Variants in FRAS1 observed in about 807,000 individuals in gnomAD.
The protein encoded by FRAS1 is Fraser extracellular matrix complex subunit 1, also known as extracellular matrix organizing protein FRAS1.
FRAS1 carries 290 observed loss-of-function variants against 435.2 expected under a neutral mutation model. That is an observed-to-expected ratio of 0.67 (90% confidence interval 0.61 to 0.73). The LOEUF is 0.73. FRAS1 is among the 30% of genes least tolerant of loss of function. The pLI is 0.00. For missense variants in FRAS1, 4,860 were observed against 5,001.5 expected, an observed-to-expected ratio of 0.97 and a Z score of 0.85; for synonymous variants, 1,800 against 1,851.0, an observed-to-expected ratio of 0.97 and a Z score of 0.71.
At chr4:78,508,087 T>C (rs1055743611) in intron 62 of FRAS1, among the ~76,000 whole-genome samples, 2 of 152,200 alleles carry the variant, frequency 1.3e-5, no homozygotes, top group African/African-American at 2.4e-5. Flanking sequence ...ACATATTCAC[T>C]ATATTTATAG....
chr4:78,279,272 A>T (rs940628547), intron 10 of FRAS1, among the ~76,000 whole-genome samples: 26 of 152,232 alleles, frequency 1.7e-4, no homozygotes, highest in Non-Finnish European at 4.4e-5. Flanking sequence ...AACTTAGTGA[A>T]TGAGGGAGAA....
intron 2 of FRAS1, among the ~76,000 whole-genome samples, chr4:78,157,028 T>G (rs903261940): frequency 3.3e-5 from 5 of 152,196 alleles, no homozygotes; most frequent in Non-Finnish European, 7.4e-5. Context: ...TGGAAGTTTC[T>G]CGTTTAAGCT....
intron 14 of FRAS1, among the ~76,000 whole-genome samples, chr4:78,304,089 C>T (rs11722335): frequency 0.35 from 51,401 of 145,698 alleles, 10,153 homozygotes; most frequent in African/African-American, 0.5. Context: ...TTGTCAAAGG[C>T]CTTTTCTGCA....
At chr4:78,091,978 C>CAAAA (rs34804542) in intron 2 of FRAS1, among the ~76,000 whole-genome samples, 37 of 83,462 alleles carry the variant, frequency 4.4e-4, no homozygotes, top group Admixed American at 6.4e-4. Context: ...GAGACTGTCT[C>CAAAA]AAAAAAAAAA....
At chr4:78,529,997 C>CT (rs1470539200) in intron 70 of FRAS1, among the ~76,000 whole-genome samples, 5 of 151,932 alleles carry the variant, frequency 3.3e-5, no homozygotes, top group East Asian at 1.9e-4. Context: ...CTCTGCTACT[C>CT]TTTTTTTTAA....
At chr4:78,346,101 A>G (rs905309422) in intron 20 of FRAS1, among the ~76,000 whole-genome samples, 1 of 152,220 alleles carries the variant, frequency 6.6e-6, no homozygotes, top group East Asian at 1.9e-4. Flanking sequence ...CTTACAGGTT[A>G]TCCTCTTCAG....
At chr4:78,125,666 G>A (rs1216701072) in intron 2 of FRAS1, among the ~76,000 whole-genome samples, 1 of 152,134 alleles carries the variant, frequency 6.6e-6, no homozygotes, top group Non-Finnish European at 1.5e-5. Context: ...GTTTGCTGGA[G>A]GTCCACTCCA....
At chr4:78,093,903 T>C (rs1741654538) in intron 2 of FRAS1, among the ~76,000 whole-genome samples, 1 of 152,184 alleles carries the variant, frequency 6.6e-6, no homozygotes, top group Non-Finnish European at 1.5e-5. Flanking sequence ...TAATAGATTC[T>C]ATATTATGTT....
intron 57 of FRAS1, among the ~76,000 whole-genome samples, chr4:78,482,185 A>G (rs1212625232): frequency 6.6e-6 from 1 of 152,218 alleles, no homozygotes; most frequent in Non-Finnish European, 1.5e-5. Flanking sequence ...TTACAGATTC[A>G]GGATATAAAC....
intron 14 of FRAS1, among the ~76,000 whole-genome samples, chr4:78,299,391 C>A (rs1314336108): frequency 4.6e-5 from 7 of 152,228 alleles, no homozygotes; most frequent in East Asian, 1.9e-4. Context: ...GACCCCAGAC[C>A]TTCTCCTGTG....
At chr4:78,103,897 T>C (rs1307074626) in intron 2 of FRAS1, among the ~76,000 whole-genome samples, 1 of 152,252 alleles carries the variant, frequency 6.6e-6, no homozygotes, top group East Asian at 1.9e-4. Context: ...CAGTTCTTTA[T>C]CTTAGCTTTG....
At chr4:78,495,115 A>G (rs1479320358) in intron 59 of FRAS1, among the ~76,000 whole-genome samples, 2 of 152,152 alleles carry the variant, frequency 1.3e-5, no homozygotes, top group African/African-American at 2.4e-5. Flanking sequence ...TTGGGTTTCC[A>G]ATAAGCATAT....
intron 2 of FRAS1, among the ~76,000 whole-genome samples, chr4:78,119,209 C>T (rs1182081534): frequency 6.6e-6 from 1 of 152,146 alleles, no homozygotes; most frequent in Non-Finnish European, 1.5e-5. Flanking sequence ...TATCCTCATT[C>T]TTCTAGCTAT....
At chr4:78,321,992 C>G (rs943002349) in intron 18 of FRAS1, among the ~76,000 whole-genome samples, 31 of 152,158 alleles carry the variant, frequency 2.0e-4, no homozygotes, top group African/African-American at 7.5e-4. Context: ...ACATATAGCT[C>G]TCTACTCATG....
intron 2 of FRAS1, among the ~76,000 whole-genome samples, chr4:78,156,080 G>T (rs1203793980): frequency 1.3e-5 from 2 of 152,150 alleles, no homozygotes; most frequent in African/African-American, 4.8e-5. Flanking sequence ...CAAGCCTTTG[G>T]CTGTTTCTGG....
chr4:78,450,790 A>G (rs554704236), intron 45 of FRAS1, among the ~76,000 whole-genome samples: 1 of 152,316 alleles, frequency 6.6e-6, no homozygotes, highest in East Asian at 1.9e-4. Flanking sequence ...CCTAGGGGAA[A>G]TTACATGGCA....
chr4:78,160,943 A>G (rs1721111481), intron 2 of FRAS1, among the ~76,000 whole-genome samples: 2 of 152,130 alleles, frequency 1.3e-5, no homozygotes, highest in Admixed American at 6.6e-5. Context: ...GTTTGAGACC[A>G]GGGTGGCCAA....
chr4:78,381,865 C>T (rs1480360208), intron 27 of FRAS1, among the ~76,000 whole-genome samples: 1 of 143,154 alleles, frequency 7.0e-6, no homozygotes, highest in Non-Finnish European at 1.5e-5. Context: ...TTTCTTTATC[C>T]AACAAAAGAA....
In FRAS1 at chr4:78,511,308, A is replaced by G. The variant is rs775818149; in HGVS notation, c.9815A>G (p.His3272Arg). Residue 3272 changes from histidine (H) to arginine (R), a missense_variant, in exon 64 of 74, where the codon CAT becomes CGT. Transcript: ENST00000512123. Reference sequence around the variant, plus strand: ...AGCATTTACTTCAGCCGGAGGTTCCATGTGCGTTGTGTGGCCAAGGCTGTG... The same window carrying G: ...AGCATTTACTTCAGCCGGAGGTTCCGTGTGCGTTGTGTGGCCAAGGCTGTG... Reference protein sequence around the residue: ...LDSIYFSRRFHVRCVAKAVDK... With the variant: ...LDSIYFSRRFRVRCVAKAVDK... 6.2e-7 allele frequency: 1 copy of G among 1,608,074 alleles called. No homozygotes were observed. Among genetic ancestry groups the G allele is most frequent in the Admixed American group, 1.7e-5 (1 of 59,882 alleles).
Sources: gnomAD v4.1 joint callset for allele counts (sites outside exome capture counted in the v4.1 genomes callset) on GRCh38, gnomAD v4.1.1 for gene constraint, MANE v1.5 for transcripts, NCBI Gene and HGNC (gene_info 2026-07-23, HGNC 2026-07-21) for gene names.